The following SGCZ variants were observed in gnomAD, a reference collection of about 807,000 sequenced individuals.
SGCZ encodes zeta-sarcoglycan.
In SGCZ, 40 loss-of-function variants were observed where a neutral mutation model predicts 41.3. The observed-to-expected ratio is 0.97, with a 90% confidence interval of 0.75 to 1.26. The LOEUF is 1.26. SGCZ is among the 50% of genes most tolerant of loss of function. SGCZ has a pLI of 0.00. For synonymous variants in SGCZ, 206 were observed against 137.5 expected (o/e 1.50, Z -3.49); for missense variants, 552 against 369.8 (o/e 1.49, Z -4.04).
At chr8:14,986,786 T>G (rs1202610507) in intron 1 of SGCZ, among the ~76,000 whole-genome samples, 2 of 152,022 alleles carry the variant, frequency 1.3e-5, no homozygotes, top group Non-Finnish European at 2.9e-5. Flanking sequence ...CAAACTTCTG[T>G]GACCTGTCAA....
chr8:14,404,110 C>A (rs1799149169), intron 2 of SGCZ, among the ~76,000 whole-genome samples: 1 of 152,000 alleles, frequency 6.6e-6, no homozygotes, highest in Non-Finnish European at 1.5e-5. Context: ...AAGGAGGGTG[C>A]CAGAGGTGGA....
chr8:14,151,656 A>T (rs1006540421), intron 5 of SGCZ, among the ~76,000 whole-genome samples: 12 of 152,118 alleles, frequency 7.9e-5, no homozygotes, highest in Admixed American at 7.9e-4. Context: ...AATAACAATA[A>T]TAATATTGAA....
chr8:15,117,052 T>C (rs1807294339), intron 1 of SGCZ, among the ~76,000 whole-genome samples: 1 of 152,230 alleles, frequency 6.6e-6, no homozygotes. Flanking sequence ...ACTGTAACAA[T>C]TTATTTCAAT....
intron 1 of SGCZ, among the ~76,000 whole-genome samples, chr8:15,174,675 C>CGAT (rs377249249): frequency 1.2e-3 from 177 of 152,254 alleles, no homozygotes; most frequent in African/African-American, 4.0e-3. Context: ...AGTGTATAAA[C>CGAT]GATCCAATTT....
chr8:14,902,256 T>A lies in SGCZ; in HGVS notation c.39+335329A>T, dbSNP rs978426433. Among the ~76,000 whole-genome samples the A allele has an allele frequency of 1.3e-5, 2 of 152,236 alleles. 1 individual carries two copies. The highest frequency in any genetic ancestry group is 4.8e-5 in the African/African-American group (2 of 41,556). On this transcript the variant is annotated intron_variant, in intron 1 of 7. Coordinates refer to ENST00000382080, the MANE Select transcript of SGCZ (RefSeq NM_139167.4). ...TGTGTTCCATCTACTGTTTTGAGTTTCTGGTCTTTTACTTGTTTCTCTTGT... is the reference window on the plus strand; with the variant it reads ...TGTGTTCCATCTACTGTTTTGAGTTACTGGTCTTTTACTTGTTTCTCTTGT...
At chr8:14,386,936 G>C (rs1804598597) in intron 2 of SGCZ, among the ~76,000 whole-genome samples, 1 of 152,152 alleles carries the variant, frequency 6.6e-6, no homozygotes, top group African/African-American at 2.4e-5. Flanking sequence ...TTTAATAATA[G>C]AATAAAATGG....
chr8:14,246,345 G>A (rs77152537), intron 3 of SGCZ, among the ~76,000 whole-genome samples: 19,619 of 151,140 alleles, frequency 0.13, 1,403 homozygotes, highest in Admixed American at 0.2. Context: ...CTATCGCAAG[G>A]ACAAAAAACC....
At chr8:14,720,702 G>C (rs1289312023) in intron 1 of SGCZ, among the ~76,000 whole-genome samples, 2 of 152,046 alleles carry the variant, frequency 1.3e-5, no homozygotes, top group Non-Finnish European at 2.9e-5. Flanking sequence ...TCAGAGATGA[G>C]TGGCTGAGTT....
chr8:14,857,117 C>T (rs115625541), intron 1 of SGCZ, among the ~76,000 whole-genome samples: 1,800 of 152,180 alleles, frequency 0.012, 27 homozygotes, highest in African/African-American at 0.041. Flanking sequence ...TTTAAAAGTG[C>T]GTAGCGCCTC....
intron 2 of SGCZ, among the ~76,000 whole-genome samples, chr8:14,488,122 G>A (rs756885768): frequency 3.3e-4 from 38 of 113,576 alleles, no homozygotes; most frequent in Non-Finnish European, 6.5e-4. Flanking sequence ...CACGAAAAGA[G>A]TTCTGAACGC....
intron 1 of SGCZ, among the ~76,000 whole-genome samples, chr8:14,768,520 ATTT>A (rs945686321): frequency 6.6e-6 from 1 of 152,218 alleles, no homozygotes; most frequent in Non-Finnish European, 1.5e-5. Context: ...TATTTTCATT[ATTT>A]AAGGGCAAAT....
intron 5 of SGCZ, among the ~76,000 whole-genome samples, chr8:14,126,797 T>A (rs968476871): frequency 6.6e-6 from 1 of 152,152 alleles, no homozygotes; most frequent in South Asian, 2.1e-4. Context: ...CGGAATACTA[T>A]GCAGCCATAA....
intron 1 of SGCZ, among the ~76,000 whole-genome samples, chr8:14,987,924 A>C (rs1801878788): frequency 6.6e-6 from 1 of 152,048 alleles, no homozygotes; most frequent in African/African-American, 2.4e-5. Context: ...AAATTTTGTC[A>C]GTGTCGTCTC....
intron 2 of SGCZ, among the ~76,000 whole-genome samples, chr8:14,415,628 T>A (rs1258882783): frequency 6.6e-6 from 1 of 151,964 alleles, no homozygotes; most frequent in African/African-American, 2.4e-5. Flanking sequence ...GAATCAGATC[T>A]ACGCTTAACA....
At chr8:15,110,806 T>A (rs2131099000) in intron 1 of SGCZ, among the ~76,000 whole-genome samples, 1 of 152,156 alleles carries the variant, frequency 6.6e-6, no homozygotes, top group East Asian at 1.9e-4. Flanking sequence ...CTGTCTCTAC[T>A]AAAAATACAA....
At chr8:14,672,859 C>A (rs2117515264) in intron 1 of SGCZ, among the ~76,000 whole-genome samples, 1 of 152,186 alleles carries the variant, frequency 6.6e-6, no homozygotes, top group South Asian at 2.1e-4. Flanking sequence ...TAATCTTTTT[C>A]TTATAAAGGG....
chr8:14,740,989 A>G (rs1799184212), intron 1 of SGCZ, among the ~76,000 whole-genome samples: 2 of 152,126 alleles, frequency 1.3e-5, no homozygotes, highest in Admixed American at 1.3e-4. Context: ...TCTGCCATTA[A>G]AAATAATTGG....
At chr8:14,521,465 A>C (rs1362244072) in intron 2 of SGCZ, among the ~76,000 whole-genome samples, 1 of 152,078 alleles carries the variant, frequency 6.6e-6, no homozygotes, top group African/African-American at 2.4e-5. Flanking sequence ...CTGAACTTAA[A>C]ATAAAAGTTA....
chr8:14,769,346 G>T (rs1800152666), intron 1 of SGCZ, among the ~76,000 whole-genome samples: 1 of 152,128 alleles, frequency 6.6e-6, no homozygotes, highest in Non-Finnish European at 1.5e-5. Context: ...GGAAAAATTT[G>T]TTCATAATGG....
Sources: gnomAD v4.1 joint callset for allele counts (sites outside exome capture counted in the v4.1 genomes callset) on GRCh38, gnomAD v4.1.1 for gene constraint, MANE v1.5 for transcripts, NCBI Gene and HGNC (gene_info 2026-07-23, HGNC 2026-07-21) for gene names.